Variants in RAD51B observed in about 807,000 individuals in gnomAD.
RAD51B encodes RAD51 paralog B, also known as DNA repair protein RAD51 homolog 2.
RAD51B carries 38 observed loss-of-function variants against 42.2 expected under a neutral mutation model. That is an observed-to-expected ratio of 0.90 (90% confidence interval 0.70 to 1.18). The LOEUF (loss-of-function observed/expected upper bound fraction) is 1.18, where lower values mean the gene tolerates loss of function less well. RAD51B is among the 50% of genes most tolerant of loss of function. The pLI is 0.00. For missense variants in RAD51B, 373 were observed against 400.7 expected (o/e 0.93, Z 0.59); for synonymous variants, 154 against 145.2 (o/e 1.06, Z -0.43).
intron 9 of RAD51B, among the ~76,000 whole-genome samples, chr14:68,460,586 A>G (rs2140212892): frequency 6.6e-6 from 1 of 152,276 alleles, no homozygotes; most frequent in East Asian, 1.9e-4. Flanking sequence ...GCCTCAGATG[A>G]GGGCCACACC....
At chr14:68,142,661 G>C (rs2078152630) in intron 7 of RAD51B, among the ~76,000 whole-genome samples, 1 of 152,142 alleles carries the variant, frequency 6.6e-6, no homozygotes, top group African/African-American at 2.4e-5. Context: ...TGATCGTCAT[G>C]ATTTAATAAT....
intron 7 of RAD51B, among the ~76,000 whole-genome samples, chr14:68,010,544 A>G (rs932639258): frequency 6.6e-6 from 1 of 151,732 alleles, no homozygotes; most frequent in Non-Finnish European, 1.5e-5. Context: ...TTTTAGAGTA[A>G]TGGATTCTGT....
intron 1 of RAD51B, among the ~76,000 whole-genome samples, chr14:67,820,388 A>C (rs1485001161): frequency 6.6e-6 from 1 of 152,210 alleles, no homozygotes; most frequent in Non-Finnish European, 1.5e-5. Context: ...ATAAGGGCTC[A>C]ATAAATATTA....
At chr14:68,387,273 G>A (rs544450580) in intron 8 of RAD51B, 8 of 152,232 alleles carry the variant, frequency 5.3e-5, no homozygotes, top group South Asian at 2.1e-4. Flanking sequence ...AACTTGTAGC[G>A]CCTGCATCTT....
intron 5 of RAD51B, among the ~76,000 whole-genome samples, chr14:67,869,086 G>A (rs2042430757): frequency 6.6e-6 from 1 of 152,240 alleles, no homozygotes; most frequent in African/African-American, 2.4e-5. Context: ...GCTGGATGGA[G>A]AATGACTTTG....
At chr14:68,659,314 C>G (rs765745072) in intron 11 of RAD51B, among the ~76,000 whole-genome samples, 5 of 152,214 alleles carry the variant, frequency 3.3e-5, no homozygotes, top group Non-Finnish European at 7.3e-5. Flanking sequence ...GAGGGAGTCA[C>G]GCTGGGGAAG....
At chr14:68,614,829 T>C (rs1891792356), downstream of RAD51B, among the ~76,000 whole-genome samples, 1 of 152,260 alleles carries the variant, frequency 6.6e-6, no homozygotes, top group Non-Finnish European at 1.5e-5. Flanking sequence ...AACATTCATA[T>C]ACAGTGTGTG....
chr14:67,923,082 C>T (rs1246137678), intron 7 of RAD51B, among the ~76,000 whole-genome samples: 1 of 152,130 alleles, frequency 6.6e-6, no homozygotes, highest in Non-Finnish European at 1.5e-5. Flanking sequence ...TCTGAGTCCT[C>T]ATAGCTTAGC....
chr14:67,955,550 A>C (rs191564802), intron 7 of RAD51B, among the ~76,000 whole-genome samples: 1 of 150,396 alleles, frequency 6.6e-6, no homozygotes, highest in African/African-American at 2.4e-5. Context: ...GTTTGGAAGT[A>C]TACCAAATTA....
At position 67,835,099 on chromosome 14, in the gene RAD51B, A is replaced by G. The variant is rs774570772; in HGVS notation, c.218A>G (p.Gln73Arg). 7 of 1,613,316 alleles carry G rather than the reference A, an allele frequency of 4.3e-6. No individual in the cohort carries two copies. Among genetic ancestry groups the G allele is most frequent in the Non-Finnish European group, 5.9e-6 (7 of 1,179,296 alleles). ...KMQTAYGIKA[Q>R]RSADFSPAFL... ...GTTTAGGCTTATGGGATAAAAGCAC[A>G]AAGGTCTGCTGATTTCTCACCAGCA... The change falls in exon 4 of 11, where the codon CAA becomes CGA. Residue 73 changes from glutamine (Q) to arginine (R), a missense_variant. Coordinates refer to ENST00000471583, the MANE Select transcript of RAD51B (RefSeq NM_133510.4).
At chr14:68,497,572 AAAC>A in intron 10 of RAD51B, 1 of 1,014,842 alleles carries the variant, frequency 9.9e-7, no homozygotes, top group Non-Finnish European at 1.2e-6. Flanking sequence ...ATTTTAAAGT[AAAC>A]AATTCCGTGG....
chr14:68,256,289 T>C lies in RAD51B; in HGVS notation c.757-35595T>C, dbSNP rs75442907. Among the ~76,000 whole-genome samples the C allele has an allele frequency of 9.2e-3, 1,400 of 152,302 alleles. 25 individuals carry two copies. Among genetic ancestry groups the C allele is most frequent in the African/African-American group, 0.032 (1,325 of 41,562 alleles). ...CCATTTCTGTCATGCACCTGACCAT[T>C]TGATGTCTGCTGAGTGGTCTATTAA... On this transcript the variant is annotated intron_variant, in intron 7 of 10. Coordinates refer to ENST00000471583, the MANE Select transcript of RAD51B (RefSeq NM_133510.4).
At chr14:68,044,806 C>CAA (rs1287110702) in intron 7 of RAD51B, among the ~76,000 whole-genome samples, 3 of 151,986 alleles carry the variant, frequency 2.0e-5, no homozygotes, top group Non-Finnish European at 4.4e-5. Context: ...GAATGCTTAT[C>CAA]AATGACCAAT....
intron 10 of RAD51B, among the ~76,000 whole-genome samples, chr14:68,521,896 T>C (rs925559836): frequency 1.3e-5 from 2 of 152,246 alleles, no homozygotes; most frequent in Admixed American, 6.5e-5. Flanking sequence ...CTATGTTAAA[T>C]GAAGTTAACC....
intron 7 of RAD51B, among the ~76,000 whole-genome samples, chr14:68,018,243 C>T (rs1238799930): frequency 1.3e-5 from 2 of 152,172 alleles, no homozygotes; most frequent in African/African-American, 4.8e-5. Context: ...TCTAATTTTA[C>T]ACACTTCCTG....
chr14:68,569,175 T>A (rs1889569613), intron 10 of RAD51B, among the ~76,000 whole-genome samples: 1 of 152,192 alleles, frequency 6.6e-6, no homozygotes, highest in Admixed American at 6.5e-5. Context: ...CCCGGGAAAG[T>A]CCCTGCAGGG....
chr14:67,989,201 T>A (rs2075246703), intron 7 of RAD51B, among the ~76,000 whole-genome samples: 1 of 152,232 alleles, frequency 6.6e-6, no homozygotes, highest in Non-Finnish European at 1.5e-5. Context: ...AGATTTTAAT[T>A]CTGAAATTCT....
chr14:68,488,629 C>G (rs1207540383), intron 10 of RAD51B, among the ~76,000 whole-genome samples: 1 of 152,208 alleles, frequency 6.6e-6, no homozygotes, highest in African/African-American at 2.4e-5. Flanking sequence ...GCGGGAATCC[C>G]CCTAGCCTTG....
downstream of RAD51B, among the ~76,000 whole-genome samples, chr14:68,612,961 A>G (rs1480703714): frequency 6.6e-6 from 1 of 152,016 alleles, no homozygotes; most frequent in African/African-American, 2.4e-5. Flanking sequence ...TCTTGCTGTA[A>G]AGAGAGGTGT....
Sources: allele counts gnomAD v4.1 joint callset (sites outside exome capture counted in the v4.1 genomes callset), GRCh38; gene constraint gnomAD v4.1.1; transcripts MANE v1.5; gene names NCBI Gene and HGNC (gene_info 2026-07-23, HGNC 2026-07-21).